SLC4A10: variants seen among roughly 807,000 people sequenced by gnomAD.
SLC4A10 encodes solute carrier family 4 member 10.
Under a neutral mutation model 137.7 loss-of-function variants are expected in SLC4A10, and 42 were observed. The ratio of observed to expected loss-of-function variants is 0.30; its 90% CI spans 0.24 to 0.39. The LOEUF (loss-of-function observed/expected upper bound fraction) is 0.39, where lower values mean the gene tolerates loss of function less well. Ranked by LOEUF, SLC4A10 falls within the 10% of genes least tolerant of loss-of-function variation. The pLI is 1.00. For synonymous variants in SLC4A10, 474 were observed against 464.1 expected (o/e 1.02, Z -0.27); for missense variants, 925 against 1,355.0 (o/e 0.68, Z 4.98).
At chr2:161,806,713 C>T (rs1050418544) in intron 3 of SLC4A10, among the ~76,000 whole-genome samples, 3 of 152,098 alleles carry the variant, frequency 2.0e-5, no homozygotes, top group African/African-American at 2.4e-5. Flanking sequence ...TTGTCCATAT[C>T]ATTATCAAGC....
chr2:161,637,365 T>A (rs1456758088), intron 1 of SLC4A10, among the ~76,000 whole-genome samples: 2 of 150,990 alleles, frequency 1.3e-5, no homozygotes, highest in African/African-American at 2.4e-5. Flanking sequence ...CTCCCAGTAA[T>A]TTTTTTTGTA....
At chr2:161,909,136 G>C (rs1162622949) in intron 15 of SLC4A10, among the ~76,000 whole-genome samples, 1 of 150,474 alleles carries the variant, frequency 6.6e-6, no homozygotes, top group Non-Finnish European at 1.5e-5. Flanking sequence ...AATGCTAAAT[G>C]ATGAGTTAAT....
intron 1 of SLC4A10, among the ~76,000 whole-genome samples, chr2:161,670,501 G>A (rs1312418191): frequency 2.0e-5 from 3 of 151,914 alleles, no homozygotes; most frequent in Non-Finnish European, 4.4e-5. Context: ...CTGTATCTCA[G>A]GTTTTGAGTC....
intron 23 of SLC4A10, among the ~76,000 whole-genome samples, chr2:161,968,178 C>T (rs545910062): frequency 1.3e-5 from 2 of 152,244 alleles, no homozygotes; most frequent in South Asian, 4.1e-4. Context: ...TTCTGTGAAA[C>T]AGGAGAGAAC....
At chr2:161,879,357 C>A in intron 9 of SLC4A10, 69 bp downstream of exon 9, 3 of 1,426,938 alleles carry the variant, frequency 2.1e-6, no homozygotes, top group Non-Finnish European at 1.9e-6. Context: ...AATGAGGATT[C>A]AATGTAATTT....
chr2:161,647,299 G>A (rs1418152456), intron 1 of SLC4A10, among the ~76,000 whole-genome samples: 1 of 151,966 alleles, frequency 6.6e-6, no homozygotes, highest in Non-Finnish European at 1.5e-5. Context: ...GCCTGTCAGG[G>A]TGATTGTCAA....
chr2:161,757,421 G>T (rs951920151), intron 1 of SLC4A10, among the ~76,000 whole-genome samples: 1 of 152,026 alleles, frequency 6.6e-6, no homozygotes, highest in African/African-American at 2.4e-5. Flanking sequence ...TAGAGCTCTT[G>T]GGAGGATTAA....
chr2:161,982,668 C>T (rs1700375163), intron 26 of SLC4A10, among the ~76,000 whole-genome samples: 1 of 152,172 alleles, frequency 6.6e-6, no homozygotes, highest in Admixed American at 6.5e-5. Flanking sequence ...GGTAACCTGT[C>T]CTCCAGGCCA....
intron 15 of SLC4A10, among the ~76,000 whole-genome samples, chr2:161,941,665 C>G (rs555126203): frequency 6.6e-6 from 1 of 152,126 alleles, no homozygotes; most frequent in East Asian, 1.9e-4. Context: ...GTTGCTGTGT[C>G]GAAACTACAA....
intron 15 of SLC4A10, among the ~76,000 whole-genome samples, chr2:161,932,153 C>T (rs1690518057): frequency 6.6e-6 from 1 of 152,130 alleles, no homozygotes; most frequent in Non-Finnish European, 1.5e-5. Flanking sequence ...AGAATCTTCT[C>T]ATTAAGGGAG....
At chr2:161,632,205 G>A (rs983444131) in intron 1 of SLC4A10, among the ~76,000 whole-genome samples, 3 of 151,656 alleles carry the variant, frequency 2.0e-5, no homozygotes, top group Non-Finnish European at 4.4e-5. Context: ...ATTTCAGAAA[G>A]CAAGTGACAT....
intron 2 of SLC4A10, among the ~76,000 whole-genome samples, chr2:161,803,178 C>T (rs566913537): frequency 9.4e-4 from 143 of 152,028 alleles, no homozygotes; most frequent in Non-Finnish European, 1.5e-3. Context: ...TTTTCTGTAG[C>T]TACAAATGTT....
intron 1 of SLC4A10, among the ~76,000 whole-genome samples, chr2:161,670,405 A>T (rs1479489724): frequency 6.6e-6 from 1 of 151,850 alleles, no homozygotes; most frequent in African/African-American, 2.4e-5. Context: ...AAGTATGCAA[A>T]ATCTGCTGGT....
intron 3 of SLC4A10, among the ~76,000 whole-genome samples, chr2:161,834,200 G>A (rs1344998871): frequency 6.6e-6 from 1 of 152,060 alleles, no homozygotes; most frequent in Non-Finnish European, 1.5e-5. Flanking sequence ...GCTTCATTTG[G>A]TCCTACATTG....
At chr2:161,784,090 C>T (rs2053357082) in intron 2 of SLC4A10, among the ~76,000 whole-genome samples, 1 of 151,748 alleles carries the variant, frequency 6.6e-6, no homozygotes, top group Middle Eastern at 3.4e-3. Context: ...AGTGACTATA[C>T]TTATATCAGA....
chr2:161,758,165 A>G (rs2049871383), intron 1 of SLC4A10, among the ~76,000 whole-genome samples: 1 of 151,912 alleles, frequency 6.6e-6, no homozygotes, highest in Non-Finnish European at 1.5e-5. Flanking sequence ...ATTTTAGTAA[A>G]TTACATGTAT....
chr2:161,806,919 A>C (rs1473474741), intron 3 of SLC4A10, among the ~76,000 whole-genome samples: 1 of 152,158 alleles, frequency 6.6e-6, no homozygotes, highest in African/African-American at 2.4e-5. Context: ...ATGTTTTCAC[A>C]CTGCTGATAA....
At chr2:161,816,723 T>C (rs1276448180) in intron 3 of SLC4A10, among the ~76,000 whole-genome samples, 1 of 148,000 alleles carries the variant, frequency 6.8e-6, no homozygotes, top group Non-Finnish European at 1.5e-5. Flanking sequence ...AGTGACAACA[T>C]GCGGTGTTTG....
intron 3 of SLC4A10, among the ~76,000 whole-genome samples, chr2:161,824,704 G>T (rs2057896281): frequency 6.6e-6 from 1 of 152,180 alleles, no homozygotes; most frequent in Admixed American, 6.5e-5. Flanking sequence ...TCAAGACTAG[G>T]TTCAACTTTT....
Sources: gnomAD v4.1 joint callset for allele counts (sites outside exome capture counted in the v4.1 genomes callset) on GRCh38, gnomAD v4.1.1 for gene constraint, MANE v1.5 for transcripts, NCBI Gene and HGNC (gene_info 2026-07-23, HGNC 2026-07-21) for gene names.